CCDC30: variants seen among roughly 807,000 people sequenced by gnomAD.
CCDC30 encodes the protein coiled-coil domain-containing protein 30.
In CCDC30, 70 loss-of-function variants were observed where a neutral mutation model predicts 100.2. That is an observed-to-expected ratio of 0.70 (90% confidence interval 0.58 to 0.85). CCDC30 has a LOEUF of 0.85. Among genes scored for constraint, CCDC30 ranks in the 40% least tolerant of loss-of-function variants. The pLI, the probability that CCDC30 is intolerant of heterozygous loss-of-function variation, is 0.00. For missense variants in CCDC30, 652 were observed against 771.2 expected (o/e 0.85, Z 1.83); for synonymous variants, 233 against 269.5 (o/e 0.86, Z 1.33).
intron 12 of CCDC30, among the ~76,000 whole-genome samples, 198 bp downstream of exon 16, chr1:42,637,576 G>A (rs938553027): frequency 1.3e-5 from 2 of 152,202 alleles, no homozygotes; most frequent in African/African-American, 4.8e-5. Context: ...CTGCTACACG[G>A]AATTGAATAC....
At chr1:42,629,067 T>C (rs563652491) in intron 11 of CCDC30, among the ~76,000 whole-genome samples, 99 of 152,370 alleles carry the variant, frequency 6.5e-4, no homozygotes, top group African/African-American at 2.3e-3. Flanking sequence ...GTTTACACAC[T>C]ACAGTTACAG....
chr1:42,464,735 TTTC>T (rs959146748), intron 1 of CCDC30, among the ~76,000 whole-genome samples: 1 of 152,234 alleles, frequency 6.6e-6, no homozygotes, highest in African/African-American at 2.4e-5. Context: ...AATCTTACTA[TTTC>T]TTCTTCAGTA....
chr1:42,562,217 T>A (rs1382322919), intron 6 of CCDC30, among the ~76,000 whole-genome samples: 2 of 152,178 alleles, frequency 1.3e-5, no homozygotes, highest in Non-Finnish European at 2.9e-5. Flanking sequence ...ACTACAAGGC[T>A]ACATTAACCA....
intron 11 of CCDC30, among the ~76,000 whole-genome samples, chr1:42,627,902 C>A (rs150273210): frequency 6.6e-6 from 1 of 152,320 alleles, no homozygotes; most frequent in East Asian, 1.9e-4. Flanking sequence ...GGGGTTGGAG[C>A]CTCCACACAG....
upstream of CCDC30, among the ~76,000 whole-genome samples, chr1:42,461,638 C>G (rs1643414530): frequency 6.6e-6 from 1 of 151,576 alleles, no homozygotes; most frequent in Non-Finnish European, 1.5e-5. Flanking sequence ...GCTCTGCCTC[C>G]CGGGTTCACA....
At chr1:42,482,572 T>G (rs1643979556) in intron 2 of CCDC30, 91 bp from the exon 3 acceptor site, 1 of 736,642 alleles carries the variant, frequency 1.4e-6, no homozygotes, top group Non-Finnish European at 1.9e-6. Context: ...GTTTGCTAAT[T>G]TATTGGCTTT....
chr1:42,589,044 C>A (rs146736851), intron 9 of CCDC30, among the ~76,000 whole-genome samples: 131 of 152,254 alleles, frequency 8.6e-4, no homozygotes, highest in African/African-American at 3.1e-3. Context: ...CCTACCTCCA[C>A]TTTGTCTTAA....
intron 10 of CCDC30, among the ~76,000 whole-genome samples, chr1:42,604,622 G>T (rs1442843777): frequency 6.6e-6 from 1 of 152,140 alleles, no homozygotes. Flanking sequence ...TGGTGTTTTG[G>T]GTTCCAAGCT....
chr1:42,563,147 A>T (rs1645529528), intron 6 of CCDC30, among the ~76,000 whole-genome samples: 2 of 152,364 alleles, frequency 1.3e-5, no homozygotes, highest in South Asian at 4.1e-4. Context: ...GTAAAGACAC[A>T]TGCACACATA....
intron 6 of CCDC30, among the ~76,000 whole-genome samples, chr1:42,527,180 G>A (rs1263771219): frequency 6.6e-6 from 1 of 152,204 alleles, no homozygotes; most frequent in Non-Finnish European, 1.5e-5. Flanking sequence ...GACTGCCTCA[G>A]TACTTGTTGT....
At chr1:42,583,283 C>T (rs917659795) in intron 9 of CCDC30, among the ~76,000 whole-genome samples, 1 of 152,110 alleles carries the variant, frequency 6.6e-6, no homozygotes, top group Non-Finnish European at 1.5e-5. Flanking sequence ...TGCTTAGTGT[C>T]CTTATGTCTA....
intron 11 of CCDC30, among the ~76,000 whole-genome samples, chr1:42,636,670 G>T (rs749555728): frequency 6.6e-6 from 1 of 151,886 alleles, no homozygotes; most frequent in Non-Finnish European, 1.5e-5. Context: ...ACAACCATCA[G>T]TACAAGACCA....
chr1:42,640,660 G>A (rs958145792), intron 12 of CCDC30, among the ~76,000 whole-genome samples: 2 of 148,680 alleles, frequency 1.3e-5, no homozygotes, highest in Non-Finnish European at 1.5e-5. Context: ...TTGGGAGGCC[G>A]AGGTGGGTGC....
chr1:42,456,239 G>T, the CCDC30 span: 1,191 of 608,266 alleles, frequency 2.0e-3, 13 homozygotes, highest in African/African-American at 0.02. Context: ...GACTCCCAAG[G>T]AGTCCAAGTC....
chr1:42,596,922 A>G lies in CCDC30; in HGVS notation c.1164+7439A>G, dbSNP rs1646300164. Among the ~76,000 whole-genome samples the G allele has an allele frequency of 6.6e-6, 1 of 152,140 alleles. No individual in the cohort carries two copies. The highest frequency in any genetic ancestry group is 1.5e-5 in the Non-Finnish European group (1 of 68,026). On this transcript the variant is annotated intron_variant, in intron 10 of 16. Transcript: ENST00000668663. This position sits in a 1 kb window ranked among gnomAD's most constrained non-coding sequence, Gnocchi z 4.3. ...AGGAAGAGATGGGCAATGCAAGCAG[A>G]GAGAGGGAAATCCTAAGAAAGAACC...
intron 6 of CCDC30, among the ~76,000 whole-genome samples, chr1:42,550,304 C>CT (rs1303082743): frequency 3.3e-5 from 5 of 152,194 alleles, no homozygotes; most frequent in African/African-American, 1.2e-4. Context: ...GTCCTCCCTG[C>CT]TTCCATACCC....
chr1:42,644,830 G>A (rs548519595), intron 14 of CCDC30, 23 bp downstream of exon 18: 1 of 1,461,644 alleles, frequency 6.8e-7, no homozygotes, highest in African/African-American at 1.4e-5. Flanking sequence ...CTTCCTATTG[G>A]GCCTGCCTTT....
chr1:42,620,264 G>A (rs1232546698), intron 11 of CCDC30, among the ~76,000 whole-genome samples: 1 of 152,154 alleles, frequency 6.6e-6, no homozygotes, highest in Non-Finnish European at 1.5e-5. Context: ...AGAGAGAGGA[G>A]TAGAAAAGAA....
In CCDC30 at chr1:42,634,091, A is replaced by G. The variant is rs142637269; in HGVS notation, c.1278-3146A>G. ...CACCAGGTATCACCTCCCGTCCATGATACATGGGGATTATGGGAACTACAA... is the reference window on the plus strand; with the variant it reads ...CACCAGGTATCACCTCCCGTCCATGGTACATGGGGATTATGGGAACTACAA... On this transcript the variant is annotated intron_variant, in intron 11 of 16. Transcript: ENST00000668663. 3.2e-3 allele frequency among the ~76,000 whole-genome samples: 481 copies of G among 152,154 alleles called. 3 individuals are homozygous for G. The highest frequency in any genetic ancestry group is 8.1e-3 in the East Asian group (42 of 5,154).
Sources: allele counts gnomAD v4.1 joint callset (sites outside exome capture counted in the v4.1 genomes callset), GRCh38; gene constraint gnomAD v4.1.1; non-coding constraint Gnocchi (gnomAD v3.1); transcripts MANE v1.5; gene names NCBI Gene and HGNC (gene_info 2026-07-23, HGNC 2026-07-21).